The following ADAM12 variants were observed in gnomAD, a reference collection of about 807,000 sequenced individuals.
ADAM12 encodes ADAM metallopeptidase domain 12, also known as disintegrin and metalloproteinase domain-containing protein 12.
Under a neutral mutation model 106.4 loss-of-function variants are expected in ADAM12, and 70 were observed. That is an observed-to-expected ratio of 0.66 (90% confidence interval 0.54 to 0.80). The LOEUF (loss-of-function observed/expected upper bound fraction) is 0.80, where lower values mean the gene tolerates loss of function less well. Among genes scored for constraint, ADAM12 ranks in the 30% least tolerant of loss-of-function variants. The pLI, the probability that ADAM12 is intolerant of heterozygous loss-of-function variation, is 0.00. For synonymous variants in ADAM12, 420 were observed against 433.5 expected (o/e 0.97, Z 0.39); for missense variants, 1,010 against 1,171.9 (o/e 0.86, Z 2.02).
intron 2 of ADAM12, among the ~76,000 whole-genome samples, chr10:126,327,436 C>T (rs116562626): frequency 0.019 from 2,945 of 152,070 alleles, 108 homozygotes; most frequent in African/African-American, 0.066. Flanking sequence ...CTGGACTTGC[C>T]ATGGCCATCA....
intron 1 of ADAM12, among the ~76,000 whole-genome samples, chr10:126,371,814 T>C (rs1856121500): frequency 6.6e-6 from 1 of 152,118 alleles, no homozygotes; most frequent in Non-Finnish European, 1.5e-5. Context: ...CCCTCCCACA[T>C]CTCTTTCTCA....
At chr10:126,346,805 T>C (rs1320646960) in intron 1 of ADAM12, among the ~76,000 whole-genome samples, 1 of 152,242 alleles carries the variant, frequency 6.6e-6, no homozygotes, top group Non-Finnish European at 1.5e-5. Flanking sequence ...TTGATCTTTC[T>C]TGGTTTAAAG....
At chr10:126,317,716 T>C (rs1036489354) in intron 2 of ADAM12, among the ~76,000 whole-genome samples, 6 of 152,166 alleles carry the variant, frequency 3.9e-5, no homozygotes, top group Non-Finnish European at 5.9e-5. Flanking sequence ...TATAGGTACA[T>C]CCATAAAGAG....
chr10:126,205,331 TAA>T (rs58602667), intron 3 of ADAM12, among the ~76,000 whole-genome samples: 71 of 147,848 alleles, frequency 4.8e-4, no homozygotes, highest in South Asian at 3.6e-3. Context: ...AAAGTATGTT[TAA>T]AAAAAAAAAA....
chr10:126,029,549 T>C (rs950444160), intron 21 of ADAM12, among the ~76,000 whole-genome samples: 5 of 152,060 alleles, frequency 3.3e-5, no homozygotes, highest in Non-Finnish European at 5.9e-5. Flanking sequence ...TGAGAACACA[T>C]GGACACAATG....
intron 2 of ADAM12, among the ~76,000 whole-genome samples, chr10:126,304,214 A>G (rs1470094905): frequency 1.3e-5 from 2 of 151,980 alleles, no homozygotes; most frequent in African/African-American, 2.4e-5. Context: ...CAATAGAGAC[A>G]AAGAGCTAAG....
At chr10:126,087,156 C>T (rs1047322260) in intron 11 of ADAM12, among the ~76,000 whole-genome samples, 5 of 152,106 alleles carry the variant, frequency 3.3e-5, no homozygotes, top group Admixed American at 2.0e-4. Context: ...ATCAGCCTCC[C>T]GAGCTTGACC....
chr10:126,082,180 C>G (rs1955231841), intron 11 of ADAM12, among the ~76,000 whole-genome samples: 1 of 152,160 alleles, frequency 6.6e-6, no homozygotes, highest in Admixed American at 6.5e-5. Flanking sequence ...TGCTACGCAG[C>G]TGTGGTTGTC....
intron 2 of ADAM12, among the ~76,000 whole-genome samples, chr10:126,323,385 C>T (rs969908426): frequency 1.3e-5 from 2 of 152,176 alleles, no homozygotes; most frequent in Non-Finnish European, 2.9e-5. Flanking sequence ...GGCGGTGTCC[C>T]AGGTAAGATA....
chr10:126,283,264 G>T (rs766972173), intron 2 of ADAM12, among the ~76,000 whole-genome samples: 1 of 152,158 alleles, frequency 6.6e-6, no homozygotes, highest in East Asian at 1.9e-4. Flanking sequence ...GCCTGCTGCC[G>T]TGTGACCTGG....
chr10:126,118,185 T>C lies in ADAM12; in HGVS notation c.456A>G (p.Glu152=). 6.2e-7 allele frequency: 1 copy of C among 1,614,154 alleles called. No homozygotes were observed. The highest frequency in any genetic ancestry group is 8.5e-7 in the Non-Finnish European group (1 of 1,179,992). Residue 152 remains glutamate, a synonymous_variant, in exon 6 of 23, where the codon GAA becomes GAG. Transcript: ENST00000448723. ...ATCTGTTGGTTGCACTTTTCATTGG[T>C]TCTAAGACATAGCTTTCATTTTCAA... is the stretch of plus-strand genomic sequence containing the variant. ...IVFENESYVL[E]PMKSATNRYK... is the part of the protein sequence containing the mutation.
In ADAM12 at chr10:126,154,936, T is replaced by C. The variant is rs114303804; in HGVS notation, c.339+291A>G. On this transcript the variant is annotated intron_variant, in intron 4 of 22. Transcript: ENST00000448723. Reference sequence around the variant, plus strand: ...CAAGCCATCTCTAACTGGCTAGGTTTTCTAAAAAGGATTTGCCCAAATGAG... The same window carrying C: ...CAAGCCATCTCTAACTGGCTAGGTTCTCTAAAAAGGATTTGCCCAAATGAG... Among the ~76,000 whole-genome samples, 1,342 of 152,300 alleles carry C rather than the reference T, an allele frequency of 8.8e-3. 15 individuals carry two copies. The highest frequency in any genetic ancestry group is 0.027 in the African/African-American group (1,121 of 41,550).
chr10:126,059,762 G>A (rs958346232), intron 14 of ADAM12, among the ~76,000 whole-genome samples: 2 of 152,220 alleles, frequency 1.3e-5, no homozygotes, highest in African/African-American at 2.4e-5. Flanking sequence ...CCAGTTGTTC[G>A]TGACTATAGA....
intron 2 of ADAM12, among the ~76,000 whole-genome samples, chr10:126,297,287 A>G (rs1361093738): frequency 6.6e-6 from 1 of 152,252 alleles, no homozygotes; most frequent in Non-Finnish European, 1.5e-5. Context: ...AAGCGCCTGT[A>G]ATCCCAGCAC....
chr10:126,345,688 C>T (rs1428913934), intron 1 of ADAM12, among the ~76,000 whole-genome samples: 3 of 152,164 alleles, frequency 2.0e-5, no homozygotes, highest in Non-Finnish European at 4.4e-5. Context: ...TTAATTATTG[C>T]CTCAATTTCA....
intron 3 of ADAM12, among the ~76,000 whole-genome samples, chr10:126,213,395 A>G (rs1590628583): frequency 6.6e-6 from 1 of 152,336 alleles, no homozygotes; most frequent in East Asian, 1.9e-4. Context: ...TCCCCAGATT[A>G]TATGCCAGAA....
chr10:126,375,251 T>TA (rs796088323), intron 1 of ADAM12, among the ~76,000 whole-genome samples: 2,836 of 136,994 alleles, frequency 0.021, 49 homozygotes, highest in African/African-American at 0.047. Flanking sequence ...AAGCCATGGT[T>TA]AAAAAAAAAA....
intron 4 of ADAM12, among the ~76,000 whole-genome samples, chr10:126,154,409 C>T (rs1192263878): frequency 1.3e-5 from 2 of 152,258 alleles, no homozygotes; most frequent in Non-Finnish European, 1.5e-5. Context: ...CTTGCAAGTG[C>T]CAAGTGTCAA....
In ADAM12 at chr10:126,376,637, T is replaced by A. The variant is rs796898175; in HGVS notation, c.88+11421A>T. Among the ~76,000 whole-genome samples the A allele has an allele frequency of 3.3e-5, 5 of 152,174 alleles. No homozygotes were observed. In the South Asian group the frequency reaches 1.0e-3, roughly 32 times the overall value. On this transcript the variant is annotated intron_variant, in intron 1 of 22. Coordinates refer to ENST00000448723, the MANE Select transcript of ADAM12 (RefSeq NM_001288973.2). Reference sequence around the variant, plus strand: ...ATTGAATAGCATTAAAGGGAACAAATAAATAGAGAAATCACCACATTCATG... The same window carrying A: ...ATTGAATAGCATTAAAGGGAACAAAAAAATAGAGAAATCACCACATTCATG...
Sources: gnomAD v4.1 joint callset for allele counts (sites outside exome capture counted in the v4.1 genomes callset) on GRCh38, gnomAD v4.1.1 for gene constraint, MANE v1.5 for transcripts, NCBI Gene and HGNC (gene_info 2026-07-23, HGNC 2026-07-21) for gene names.